Variants in PARD3 observed in about 807,000 individuals in gnomAD.
The protein encoded by PARD3 is partitioning defective 3 homolog.
PARD3 carries 75 observed loss-of-function variants against 155.4 expected under a neutral mutation model. The observed-to-expected ratio is 0.48, with a 90% CI of 0.40 to 0.58. The LOEUF (loss-of-function observed/expected upper bound fraction) is 0.58. Among genes scored for constraint, PARD3 ranks in the 20% least tolerant of loss-of-function variants. The pLI, the probability that PARD3 is intolerant of heterozygous loss-of-function variation, is 0.00. For missense variants in PARD3, 1,642 were observed against 1,721.7 expected (o/e 0.95, Z 0.82); for synonymous variants, 576 against 610.5 (o/e 0.94, Z 0.83).
intron 9 of PARD3, among the ~76,000 whole-genome samples, chr10:34,381,364 C>G (rs536954535): frequency 6.6e-6 from 1 of 151,998 alleles, no homozygotes; most frequent in Non-Finnish European, 1.5e-5. Context: ...ATAATAATAC[C>G]ATTTTGAAAG....
chr10:34,576,918 G>A (rs950273834), intron 2 of PARD3, among the ~76,000 whole-genome samples: 3 of 152,160 alleles, frequency 2.0e-5, no homozygotes, highest in Admixed American at 2.0e-4. Context: ...ATCAATTAAC[G>A]TCATCAGCAG....
At chr10:34,750,128 G>A (rs1025333040) in intron 1 of PARD3, among the ~76,000 whole-genome samples, 1 of 151,360 alleles carries the variant, frequency 6.6e-6, no homozygotes, top group Non-Finnish European at 1.5e-5. Flanking sequence ...CATGGGATGG[G>A]TCCACTTTGG....
chr10:34,355,958 C>CAAAAAAAAAAAAAAA (rs1491326864), intron 14 of PARD3, among the ~76,000 whole-genome samples: 16 of 116,212 alleles, frequency 1.4e-4, no homozygotes, highest in South Asian at 2.4e-4. Context: ...AAAACAAAAC[C>CAAAAAAAAAAAAAAA]AAACAAAAAA....
chr10:34,775,302 G>A (rs1396687915), intron 1 of PARD3, among the ~76,000 whole-genome samples: 1 of 152,092 alleles, frequency 6.6e-6, no homozygotes, highest in South Asian at 2.1e-4. Flanking sequence ...AGGATCGCTT[G>A]AGGTCAGGAG....
At chr10:34,453,737 T>A (rs2077182371) in intron 4 of PARD3, among the ~76,000 whole-genome samples, 1 of 152,242 alleles carries the variant, frequency 6.6e-6, no homozygotes, top group Non-Finnish European at 1.5e-5. Context: ...GTGGCAAATG[T>A]GATTATTTCC....
At chr10:34,249,040 G>C (rs1056372154) in intron 22 of PARD3, among the ~76,000 whole-genome samples, 1 of 151,574 alleles carries the variant, frequency 6.6e-6, no homozygotes, top group Non-Finnish European at 1.5e-5. Context: ...TTTTAGACTT[G>C]TGTTTGAAAC....
intron 22 of PARD3, among the ~76,000 whole-genome samples, chr10:34,216,199 G>A (rs1951994938): frequency 6.6e-6 from 1 of 152,150 alleles, no homozygotes; most frequent in East Asian, 1.9e-4. Flanking sequence ...ATATTTGTAT[G>A]CAAATATTTA....
chr10:34,549,602 A>G (rs1348181196), intron 2 of PARD3, among the ~76,000 whole-genome samples: 3 of 152,122 alleles, frequency 2.0e-5, no homozygotes, highest in Non-Finnish European at 4.4e-5. Context: ...TTTTCATGAC[A>G]TTGATTACCA....
chr10:34,504,372 G>A (rs1280645185), intron 3 of PARD3, among the ~76,000 whole-genome samples: 3 of 147,526 alleles, frequency 2.0e-5, no homozygotes, highest in Non-Finnish European at 3.0e-5. Context: ...GTCCTCCCAC[G>A]TCTGCCTCCC....
At chr10:34,439,666 A>C (rs2132640984) in intron 5 of PARD3, among the ~76,000 whole-genome samples, 1 of 152,174 alleles carries the variant, frequency 6.6e-6, no homozygotes, top group South Asian at 2.1e-4. Context: ...CATGTTGGCA[A>C]GGCTGGTCTC....
intron 2 of PARD3, among the ~76,000 whole-genome samples, chr10:34,682,975 G>T (rs965627957): frequency 1.8e-4 from 27 of 152,278 alleles, no homozygotes; most frequent in Admixed American, 1.6e-3. Context: ...GGCCGACAAC[G>T]GCAACCACAA....
At chr10:34,569,279 C>T (rs2086195763) in intron 2 of PARD3, among the ~76,000 whole-genome samples, 1 of 152,094 alleles carries the variant, frequency 6.6e-6, no homozygotes, top group Admixed American at 6.6e-5. Context: ...CATGTTACCA[C>T]AGGACATTTA....
intron 22 of PARD3, among the ~76,000 whole-genome samples, chr10:34,189,849 AC>A (rs57808417): frequency 0.22 from 33,213 of 152,082 alleles, 3,776 homozygotes; most frequent in Middle Eastern, 0.34. Flanking sequence ...GAGGAAAACC[AC>A]TGACAGTATT....
chr10:34,767,115 C>T (rs1008150039), intron 1 of PARD3, among the ~76,000 whole-genome samples: 1 of 152,112 alleles, frequency 6.6e-6, no homozygotes, highest in Non-Finnish European at 1.5e-5. Flanking sequence ...CTCTGGAGTT[C>T]AAGCAATGAA....
At chr10:34,587,886 C>T (rs1358870080) in intron 2 of PARD3, among the ~76,000 whole-genome samples, 4 of 152,166 alleles carry the variant, frequency 2.6e-5, no homozygotes, top group African/African-American at 9.7e-5. Flanking sequence ...GGGCTGGCTC[C>T]GTGGGTGGAA....
chr10:34,188,623 C>T (rs996093015), intron 22 of PARD3, among the ~76,000 whole-genome samples: 1 of 152,002 alleles, frequency 6.6e-6, no homozygotes, highest in African/African-American at 2.4e-5. Flanking sequence ...TGAAATAATA[C>T]CAGAAAATAC....
intron 1 of PARD3, among the ~76,000 whole-genome samples, chr10:34,809,635 G>C (rs1843844388): frequency 1.3e-5 from 2 of 152,200 alleles, no homozygotes; most frequent in African/African-American, 4.8e-5. Context: ...AGCTGCAGAG[G>C]GAGTGGCTGG....
intron 1 of PARD3, among the ~76,000 whole-genome samples, chr10:34,775,832 T>C (rs1839460540): frequency 6.6e-6 from 1 of 152,148 alleles, no homozygotes; most frequent in African/African-American, 2.4e-5. Flanking sequence ...TTAAAAGACA[T>C]ATCATAAGAA....
At chr10:34,268,599 T>C (rs1266803971) in intron 22 of PARD3, among the ~76,000 whole-genome samples, 2 of 151,936 alleles carry the variant, frequency 1.3e-5, no homozygotes, top group Non-Finnish European at 2.9e-5. Flanking sequence ...TATGCAGCCA[T>C]AAAAAAGGAT....
Sources: allele counts gnomAD v4.1 joint callset (sites outside exome capture counted in the v4.1 genomes callset), GRCh38; gene constraint gnomAD v4.1.1; transcripts MANE v1.5; gene names NCBI Gene and HGNC (gene_info 2026-07-23, HGNC 2026-07-21).